The following HIBADH variants were observed in gnomAD, a reference collection of about 807,000 sequenced individuals.
HIBADH encodes 3-hydroxyisobutyrate dehydrogenase.
Under a neutral mutation model 36.1 loss-of-function variants are expected in HIBADH, and 25 were observed. That is an observed-to-expected ratio of 0.69 (90% CI 0.50 to 0.97). The LOEUF (loss-of-function observed/expected upper bound fraction) is 0.97, where lower values mean the gene tolerates loss of function less well. Among genes scored for constraint, HIBADH ranks in the 50% least tolerant of loss-of-function variants. The pLI is 0.00. For synonymous variants in HIBADH, 160 were observed against 149.5 expected (o/e 1.07, Z -0.51); for missense variants, 421 against 418.0 (o/e 1.01, Z -0.06).
At chr7:27,569,346 T>C (rs762586177) in intron 4 of HIBADH, among the ~76,000 whole-genome samples, 4 of 152,218 alleles carry the variant, frequency 2.6e-5, no homozygotes, top group Non-Finnish European at 4.4e-5. Context: ...AATCAGACTT[T>C]CCTGGTTCTT....
At chr7:27,584,397 A>G (rs571673292) in intron 4 of HIBADH, among the ~76,000 whole-genome samples, 1 of 152,188 alleles carries the variant, frequency 6.6e-6, no homozygotes, top group East Asian at 1.9e-4. Flanking sequence ...TCTTTTCACA[A>G]AAGTCTTTAA....
chr7:27,653,851 A>G (rs1277259125), intron 1 of HIBADH, among the ~76,000 whole-genome samples: 1 of 152,220 alleles, frequency 6.6e-6, no homozygotes, highest in East Asian at 1.9e-4. Context: ...AAAAGTTAAT[A>G]AAATCACCAG....
chr7:27,544,747 T>G (rs898424500), intron 4 of HIBADH, among the ~76,000 whole-genome samples: 1 of 152,218 alleles, frequency 6.6e-6, no homozygotes, highest in African/African-American at 2.4e-5. Context: ...TAGTTTTGCT[T>G]TGTATTTAGA....
chr7:27,613,211 T>TTATATG (rs2128292282), intron 4 of HIBADH, among the ~76,000 whole-genome samples: 1 of 126,176 alleles, frequency 7.9e-6, no homozygotes, highest in East Asian at 2.2e-4. Context: ...ATATTTATAT[T>TTATATG]TATATATTTA....
chr7:27,612,161 G>A (rs1454629082), intron 4 of HIBADH, among the ~76,000 whole-genome samples: 1 of 152,138 alleles, frequency 6.6e-6, no homozygotes, highest in Non-Finnish European at 1.5e-5. Flanking sequence ...TTGTGGTGAA[G>A]ATGCTGTCAG....
At chr7:27,659,400 TC>T (rs1786371338) in intron 1 of HIBADH, among the ~76,000 whole-genome samples, 2 of 152,226 alleles carry the variant, frequency 1.3e-5, no homozygotes, top group African/African-American at 4.8e-5. Flanking sequence ...TTCTTCTATT[TC>T]CTTTTCAATG....
At chr7:27,580,018 G>A (rs967402216) in intron 4 of HIBADH, among the ~76,000 whole-genome samples, 6 of 152,094 alleles carry the variant, frequency 3.9e-5, no homozygotes, top group African/African-American at 1.4e-4. Flanking sequence ...TGTTTGAACA[G>A]CCACACTTCT....
At chr7:27,660,676 T>C (rs13309646) in intron 1 of HIBADH, among the ~76,000 whole-genome samples, 2 of 142,740 alleles carry the variant, frequency 1.4e-5, no homozygotes, top group African/African-American at 5.4e-5. Context: ...AAAAAAAAAA[T>C]TTTTTTCAAG....
chr7:27,527,019 G>A (rs995974290), intron 7 of HIBADH, among the ~76,000 whole-genome samples: 6 of 152,092 alleles, frequency 3.9e-5, no homozygotes, highest in Non-Finnish European at 8.8e-5. Flanking sequence ...GGGGTGGCAG[G>A]GAGGTGGTGG....
intron 4 of HIBADH, among the ~76,000 whole-genome samples, chr7:27,628,955 G>A (rs557771029): frequency 1.3e-5 from 2 of 152,048 alleles, no homozygotes; most frequent in African/African-American, 4.8e-5. Flanking sequence ...TGAAATTTTG[G>A]TAATATTCAT....
chr7:27,633,825 A>G (rs1193644265), intron 2 of HIBADH, among the ~76,000 whole-genome samples: 1 of 152,212 alleles, frequency 6.6e-6, no homozygotes, highest in African/African-American at 2.4e-5. Context: ...ATATTTCTAC[A>G]TACATTATGC....
At chr7:27,563,753 G>A (rs1784500365) in intron 4 of HIBADH, among the ~76,000 whole-genome samples, 1 of 152,084 alleles carries the variant, frequency 6.6e-6, no homozygotes, top group Non-Finnish European at 1.5e-5. Flanking sequence ...TGAGTTGGTT[G>A]TTTTATTGTT....
chr7:27,535,281 T>C (rs1323114535), intron 6 of HIBADH, among the ~76,000 whole-genome samples: 2 of 152,160 alleles, frequency 1.3e-5, no homozygotes, highest in South Asian at 4.2e-4. Context: ...CTTTGCCATC[T>C]GTTATATTTA....
chr7:27,588,566 A>T (rs1475310615), intron 4 of HIBADH, among the ~76,000 whole-genome samples: 1 of 152,152 alleles, frequency 6.6e-6, no homozygotes, highest in Admixed American at 6.5e-5. Context: ...CCTGGCCTCA[A>T]GTGATCCTCC....
At chr7:27,638,276 C>T (rs1469897093) in intron 2 of HIBADH, among the ~76,000 whole-genome samples, 1 of 130,290 alleles carries the variant, frequency 7.7e-6, no homozygotes, top group African/African-American at 3.1e-5. Flanking sequence ...AACAATGCTG[C>T]ACACCTATAC....
chr7:27,561,713 T>G (rs1784471222), intron 4 of HIBADH, among the ~76,000 whole-genome samples: 1 of 152,188 alleles, frequency 6.6e-6, no homozygotes, highest in Non-Finnish European at 1.5e-5. Context: ...AAGGTCCCAC[T>G]GTGACAGTAG....
intron 3 of HIBADH, among the ~76,000 whole-genome samples, chr7:27,632,057 T>G (rs1403909240): frequency 6.6e-6 from 1 of 152,204 alleles, no homozygotes; most frequent in Non-Finnish European, 1.5e-5. Flanking sequence ...ATGTAAGCTT[T>G]AAAAGTCTCT....
chr7:27,582,899 C>G (rs1374792394), intron 4 of HIBADH, among the ~76,000 whole-genome samples: 1 of 152,066 alleles, frequency 6.6e-6, no homozygotes, highest in African/African-American at 2.4e-5. Flanking sequence ...ACCATTTCCA[C>G]ATCAGTAAAA....
In HIBADH at chr7:27,554,633, C is replaced by T. The variant is rs117045852; in HGVS notation, c.485-11533G>A. On this transcript the variant is annotated intron_variant, in intron 4 of 7. Transcript: ENST00000265395. ...AGAGAACTGATTATTCACATGAGTT[C>T]TGTTATAACTTTGAGGGTAGGTATA... is the stretch of plus-strand genomic sequence containing the variant. Among the ~76,000 whole-genome samples the T allele has an allele frequency of 7.6e-4, 115 of 152,200 alleles. 1 individual carries two copies. In the East Asian group the frequency reaches 0.013, roughly 18 times the overall value.
Sources: allele counts gnomAD v4.1 joint callset (sites outside exome capture counted in the v4.1 genomes callset), GRCh38; gene constraint gnomAD v4.1.1; transcripts MANE v1.5; gene names NCBI Gene and HGNC (gene_info 2026-07-23, HGNC 2026-07-21).